ASIC2: variants seen among roughly 807,000 people sequenced by gnomAD.
ASIC2 encodes acid sensing ion channel subunit 2.
Under a neutral mutation model 57.3 loss-of-function variants are expected in ASIC2, and 25 were observed. The observed-to-expected ratio is 0.44, with a 90% confidence interval of 0.32 to 0.61. The LOEUF (loss-of-function observed/expected upper bound fraction) is 0.61, where lower values mean the gene tolerates loss of function less well. ASIC2 is among the 20% of genes least tolerant of loss of function. ASIC2 has a pLI of 0.06. For missense variants in ASIC2, 641 were observed against 738.1 expected (o/e 0.87, Z 1.52); for synonymous variants, 319 against 307.5 (o/e 1.04, Z -0.39).
chr17:33,057,245 G>A (rs1034246080), intron 3 of ASIC2, among the ~76,000 whole-genome samples: 1 of 152,160 alleles, frequency 6.6e-6, no homozygotes, highest in Admixed American at 6.5e-5. Context: ...CTTCCCGGCT[G>A]CCTCTAACAC....
intron 1 of ASIC2, among the ~76,000 whole-genome samples, chr17:33,329,541 A>G (rs1010673781): frequency 2.6e-5 from 4 of 152,216 alleles, no homozygotes; most frequent in Admixed American, 1.3e-4. Context: ...GCTAAGGTCA[A>G]GGTCATCACA....
intron 1 of ASIC2, among the ~76,000 whole-genome samples, chr17:33,884,546 G>A (rs949747807): frequency 6.6e-6 from 1 of 152,046 alleles, no homozygotes; most frequent in African/African-American, 2.4e-5. Flanking sequence ...CCACATCCCA[G>A]CATTATGAAA....
intron 1 of ASIC2, among the ~76,000 whole-genome samples, chr17:33,355,925 A>G (rs1908356038): frequency 6.6e-6 from 1 of 152,094 alleles, no homozygotes; most frequent in Non-Finnish European, 1.5e-5. Flanking sequence ...GATCAGGGGA[A>G]AAGGGATCCC....
chr17:34,131,933 C>T (rs1911982340), intron 1 of ASIC2, among the ~76,000 whole-genome samples: 1 of 152,188 alleles, frequency 6.6e-6, no homozygotes, highest in African/African-American at 2.4e-5. Flanking sequence ...TTTAGGAACT[C>T]TGGTCTCTCT....
intron 1 of ASIC2, among the ~76,000 whole-genome samples, chr17:33,719,060 G>A (rs960783350): frequency 2.6e-5 from 4 of 152,162 alleles, no homozygotes; most frequent in African/African-American, 7.2e-5. Context: ...CTGGCTGCCC[G>A]GGGGATAGGC....
chr17:33,969,758 G>A (rs1191338002), intron 1 of ASIC2, among the ~76,000 whole-genome samples: 1 of 152,160 alleles, frequency 6.6e-6, no homozygotes, highest in Non-Finnish European at 1.5e-5. Context: ...TCCTGCTTGT[G>A]GGCTGAGAAA....
At chr17:34,027,437 C>A (rs1381294176) in intron 1 of ASIC2, among the ~76,000 whole-genome samples, 8 of 152,224 alleles carry the variant, frequency 5.3e-5, no homozygotes, top group African/African-American at 1.9e-4. Context: ...TGCTGCCCCC[C>A]TATAACCATT....
intron 1 of ASIC2, among the ~76,000 whole-genome samples, chr17:33,981,782 C>G (rs1181588608): frequency 2.0e-5 from 3 of 152,158 alleles, no homozygotes; most frequent in Non-Finnish European, 4.4e-5. Flanking sequence ...TTATTTAATC[C>G]TCACAATTTT....
chr17:33,638,923 G>A (rs974204147), intron 1 of ASIC2, among the ~76,000 whole-genome samples: 5 of 151,810 alleles, frequency 3.3e-5, no homozygotes, highest in African/African-American at 1.2e-4. Flanking sequence ...CTATTTCCTG[G>A]AGTTCTCTGG....
chr17:33,820,613 G>A lies in ASIC2; in HGVS notation c.555+335365C>T, dbSNP rs117284019. The stretch of plus-strand genomic sequence containing the variant: ...AAAGTGTAGATTCTAAGTTTACAAA[G>A]CTAAAGAGTATTAAAAAACATTTGC... On this transcript the variant is annotated intron_variant, in intron 1 of 9. Coordinates refer to the ASIC2 transcript ENST00000359872. Among the ~76,000 whole-genome samples the A allele has an allele frequency of 7.8e-4, 118 of 151,716 alleles. No individual in the cohort carries two copies. In the East Asian group the frequency reaches 0.018, roughly 23 times the overall value.
intron 1 of ASIC2, chr17:33,580,129 C>T (rs1382469180): frequency 6.6e-6 from 1 of 152,180 alleles, no homozygotes; most frequent in African/African-American, 2.4e-5. Context: ...AGGGTTGGTA[C>T]CCACAGGGTA....
chr17:33,407,718 A>C (rs1910517285), intron 1 of ASIC2, among the ~76,000 whole-genome samples: 1 of 152,254 alleles, frequency 6.6e-6, no homozygotes, highest in Non-Finnish European at 1.5e-5. Context: ...ATTAGATTGG[A>C]TAAATGATTT....
intron 1 of ASIC2, among the ~76,000 whole-genome samples, chr17:33,266,649 C>T (rs1208407002): frequency 2.0e-5 from 3 of 150,480 alleles, no homozygotes; most frequent in Admixed American, 6.7e-5. Flanking sequence ...CGTGGCTGCC[C>T]CCTTACACGT....
chr17:33,663,450 T>A (rs1008097059), intron 1 of ASIC2, among the ~76,000 whole-genome samples: 22 of 84,866 alleles, frequency 2.6e-4, no homozygotes, highest in African/African-American at 1.8e-3. Flanking sequence ...AATGCCGTCG[T>A]TTTTTTTTTT....
At chr17:34,097,917 G>A (rs1910604978) in intron 1 of ASIC2, among the ~76,000 whole-genome samples, 1 of 152,102 alleles carries the variant, frequency 6.6e-6, no homozygotes, top group South Asian at 2.1e-4. Context: ...GTGGACCTTT[G>A]CTCGGCTGCC....
At chr17:33,605,309 G>A (rs1028322222) in intron 1 of ASIC2, among the ~76,000 whole-genome samples, 7 of 152,254 alleles carry the variant, frequency 4.6e-5, no homozygotes, top group African/African-American at 1.7e-4. Flanking sequence ...GAGAATGACA[G>A]TGCTCTCCCT....
chr17:33,686,740 A>G (rs964129941), intron 1 of ASIC2, among the ~76,000 whole-genome samples: 43 of 152,310 alleles, frequency 2.8e-4, no homozygotes, highest in African/African-American at 1.0e-3. Context: ...TCCAGTGTGC[A>G]TGTGAGAGTT....
chr17:33,556,800 T>C (rs1326155785), intron 1 of ASIC2, among the ~76,000 whole-genome samples: 1 of 152,216 alleles, frequency 6.6e-6, no homozygotes, highest in Admixed American at 6.5e-5. Context: ...GTTACCTACA[T>C]AAAAAGAAGC....
At chr17:33,951,757 A>G (rs1172625164) in intron 1 of ASIC2, among the ~76,000 whole-genome samples, 1 of 135,634 alleles carries the variant, frequency 7.4e-6, no homozygotes, top group Non-Finnish European at 1.6e-5. Flanking sequence ...TAATTTTTGT[A>G]TTTTTTTTTT....
Sources: allele counts gnomAD v4.1 joint callset (sites outside exome capture counted in the v4.1 genomes callset), GRCh38; gene constraint gnomAD v4.1.1; transcripts MANE v1.5; gene names NCBI Gene and HGNC (gene_info 2026-07-23, HGNC 2026-07-21).